The following NELL1 variants were observed in gnomAD, a reference collection of about 807,000 sequenced individuals.
NELL1 encodes protein kinase C-binding protein NELL1.
A neutral mutation model predicts 107.4 loss-of-function variants in NELL1; 76 were observed. The observed-to-expected ratio is 0.71, with a 90% CI of 0.59 to 0.86. The LOEUF (loss-of-function observed/expected upper bound fraction) is 0.86. NELL1 is among the 40% of genes least tolerant of loss of function. The pLI is 0.00. For synonymous variants in NELL1, 353 were observed against 341.2 expected (o/e 1.03, Z -0.38); for missense variants, 1,024 against 1,005.5 (o/e 1.02, Z -0.25).
intron 12 of NELL1, among the ~76,000 whole-genome samples, chr11:21,076,746 G>C (rs963851840): frequency 6.6e-6 from 1 of 152,146 alleles, no homozygotes; most frequent in Non-Finnish European, 1.5e-5. Flanking sequence ...CTGTCCTCTT[G>C]GTAATGAGTG....
At chr11:21,014,864 G>A (rs1378800471) in intron 12 of NELL1, among the ~76,000 whole-genome samples, 3 of 152,000 alleles carry the variant, frequency 2.0e-5, no homozygotes, top group Admixed American at 1.3e-4. Flanking sequence ...CCCTTGTTGT[G>A]GTTATTTCAT....
intron 14 of NELL1, among the ~76,000 whole-genome samples, chr11:21,279,813 A>G (rs74476003): frequency 0.01 from 1,548 of 152,350 alleles, 22 homozygotes; most frequent in Non-Finnish European, 0.01. Context: ...CTTGGAAGCA[A>G]TAAAAATGTC....
At chr11:20,919,608 G>T (rs908229004) in intron 7 of NELL1, among the ~76,000 whole-genome samples, 1 of 152,022 alleles carries the variant, frequency 6.6e-6, no homozygotes, top group Non-Finnish European at 1.5e-5. Context: ...AGTGGAAAAG[G>T]AATTTTCCTA....
At chr11:21,498,366 GAC>G (rs1855043996) in intron 15 of NELL1, among the ~76,000 whole-genome samples, 1 of 135,974 alleles carries the variant, frequency 7.4e-6, no homozygotes, top group African/African-American at 2.6e-5. Context: ...TATATATACA[GAC>G]ACACATATAA....
chr11:21,432,867 T>G (rs1019536211), intron 15 of NELL1, among the ~76,000 whole-genome samples: 3 of 152,192 alleles, frequency 2.0e-5, no homozygotes, highest in African/African-American at 7.2e-5. Flanking sequence ...TTGTGAACAT[T>G]CAAAATTCTG....
rs1857909314 is a variant in NELL1 at position 20,827,507 on chromosome 11, G to A, written c.336-20076G>A. 1.3e-5 allele frequency among the ~76,000 whole-genome samples: 2 copies of A among 151,176 alleles called. 1 individual carries two copies. Among genetic ancestry groups the A allele is most frequent in the Admixed American group, 1.3e-4 (2 of 15,016 alleles). On this transcript the variant is annotated intron_variant, in intron 3 of 19. Transcript: ENST00000357134. ...GCTCTTCTTCTAGTGGAAAGTTAGA[G>A]GCCTAGACTCTGTCCACTTCGTCAT...
intron 13 of NELL1, among the ~76,000 whole-genome samples, chr11:21,123,665 C>T (rs1855424143): frequency 6.6e-6 from 1 of 151,918 alleles, no homozygotes; most frequent in Admixed American, 6.6e-5. Flanking sequence ...CGGTTTATAG[C>T]CAAAGGCCTA....
At chr11:20,675,165 G>A (rs1854022450) in intron 1 of NELL1, among the ~76,000 whole-genome samples, 1 of 152,156 alleles carries the variant, frequency 6.6e-6, no homozygotes, top group Non-Finnish European at 1.5e-5. Flanking sequence ...GCATATTCAA[G>A]TCGCTGCCTG....
chr11:21,087,438 G>T (rs879309085), intron 12 of NELL1, among the ~76,000 whole-genome samples: 19 of 152,060 alleles, frequency 1.2e-4, no homozygotes, highest in Non-Finnish European at 2.2e-4. Flanking sequence ...ATAGCAGAAT[G>T]CCAAAATTTA....
chr11:21,094,140 GA>G (rs1854586233), intron 12 of NELL1, among the ~76,000 whole-genome samples: 1 of 152,284 alleles, frequency 6.6e-6, no homozygotes, highest in South Asian at 2.1e-4. Context: ...ACTCCAAATG[GA>G]AGAAATTGGC....
intron 13 of NELL1, among the ~76,000 whole-genome samples, chr11:21,161,364 C>A (rs978926955): frequency 6.6e-6 from 1 of 152,156 alleles, no homozygotes; most frequent in Admixed American, 6.5e-5. Context: ...ATAGCAAAAC[C>A]TGTCTCTACT....
chr11:20,801,819 C>T (rs920452047), intron 3 of NELL1, among the ~76,000 whole-genome samples: 2 of 152,188 alleles, frequency 1.3e-5, no homozygotes, highest in African/African-American at 2.4e-5. Flanking sequence ...TTCCCAGCAT[C>T]GTTTATTGAA....
chr11:20,716,919 A>G (rs1271728835), intron 2 of NELL1, among the ~76,000 whole-genome samples: 1 of 104,386 alleles, frequency 9.6e-6, no homozygotes, highest in African/African-American at 5.0e-5. Context: ...CATAATACAA[A>G]TGGATTCCTC....
intron 12 of NELL1, among the ~76,000 whole-genome samples, chr11:21,057,762 A>T (rs2134357384): frequency 6.6e-6 from 1 of 152,106 alleles, no homozygotes; most frequent in African/African-American, 2.4e-5. Flanking sequence ...AAAATATAAA[A>T]ACTGACTATA....
intron 15 of NELL1, among the ~76,000 whole-genome samples, chr11:21,401,765 T>C (rs895295746): frequency 6.6e-6 from 1 of 151,736 alleles, no homozygotes; most frequent in African/African-American, 2.4e-5. Context: ...GAATATGAGT[T>C]TCAAGCCAGG....
chr11:21,020,144 T>C (rs1274354844), intron 12 of NELL1, among the ~76,000 whole-genome samples: 4 of 152,140 alleles, frequency 2.6e-5, no homozygotes, highest in African/African-American at 9.6e-5. Flanking sequence ...AAAAATACTA[T>C]ATGCCAATTA....
Position 21,520,249 on chromosome 11 carries a change from G to A in NELL1, c.1646-14125G>A, listed in dbSNP as rs146803475. Among the ~76,000 whole-genome samples the A allele has an allele frequency of 6.1e-3, 933 of 152,248 alleles. 12 individuals carry two copies. The highest frequency in any genetic ancestry group is 0.021 in the African/African-American group (879 of 41,544). On this transcript the variant is annotated intron_variant, in intron 15 of 19. Coordinates refer to ENST00000357134, the MANE Select transcript of NELL1 (RefSeq NM_006157.5). Reference sequence around the variant, plus strand: ...GTAAGGGCATTCCAATAGTTTCTGAGGAACAACCCCTTCTAAATTCTCAGT... The same window carrying A: ...GTAAGGGCATTCCAATAGTTTCTGAAGAACAACCCCTTCTAAATTCTCAGT...
At chr11:21,412,165 A>AG (rs1425952992) in intron 15 of NELL1, among the ~76,000 whole-genome samples, 3 of 152,120 alleles carry the variant, frequency 2.0e-5, no homozygotes, top group African/African-American at 7.2e-5. Flanking sequence ...TGATGGAAAA[A>AG]TAATAGGATA....
chr11:20,826,357 A>C (rs1857883739), intron 3 of NELL1, among the ~76,000 whole-genome samples: 1 of 151,288 alleles, frequency 6.6e-6, no homozygotes. Flanking sequence ...GAAGAAGTCA[A>C]GAGCATTCTC....
Sources: gnomAD v4.1 joint callset for allele counts (sites outside exome capture counted in the v4.1 genomes callset) on GRCh38, gnomAD v4.1.1 for gene constraint, MANE v1.5 for transcripts, NCBI Gene and HGNC (gene_info 2026-07-23, HGNC 2026-07-21) for gene names.